KCNQ5: variants seen among roughly 807,000 people sequenced by gnomAD.
KCNQ5 encodes the protein potassium voltage-gated channel subfamily KQT member 5.
KCNQ5 carries 30 observed loss-of-function variants against 98.2 expected under a neutral mutation model. The observed-to-expected ratio is 0.31, with a 90% CI of 0.23 to 0.41. The LOEUF is 0.41. Ranked by LOEUF, KCNQ5 falls within the 10% of genes least tolerant of loss-of-function variation. KCNQ5 has a pLI of 1.00. For missense variants in KCNQ5, 835 were observed against 1,182.5 expected, an observed-to-expected ratio of 0.71 and a Z score of 4.31; for synonymous variants, 458 against 449.4, an observed-to-expected ratio of 1.02 and a Z score of -0.24.
At chr6:73,129,649 T>C (rs1776139144) in intron 9 of KCNQ5, 2 of 637,462 alleles carry the variant, frequency 3.1e-6, no homozygotes, top group Middle Eastern at 3.7e-4. Context: ...TTAAACAACA[T>C]AGTACTCTCT....
intron 1 of KCNQ5, among the ~76,000 whole-genome samples, chr6:72,956,731 T>C (rs1767088930): frequency 6.6e-6 from 1 of 151,846 alleles, no homozygotes; most frequent in Admixed American, 6.6e-5. Flanking sequence ...ACATGAAATC[T>C]TACATGCAAA....
intron 2 of KCNQ5, among the ~76,000 whole-genome samples, chr6:73,024,256 A>G: frequency 6.6e-6 from 1 of 152,184 alleles, no homozygotes; most frequent in Admixed American, 6.6e-5. Flanking sequence ...AAGCACCTGC[A>G]TCATTAGGAC....
At chr6:73,012,241 T>G (rs779784433) in intron 2 of KCNQ5, among the ~76,000 whole-genome samples, 3 of 152,050 alleles carry the variant, frequency 2.0e-5, no homozygotes, top group Non-Finnish European at 4.4e-5. Context: ...AGTGAACGGA[T>G]AAGCAAAATA....
intron 9 of KCNQ5, chr6:73,125,642 C>A: frequency 4.7e-6 from 1 of 211,522 alleles, no homozygotes; most frequent in Non-Finnish European, 9.3e-6. Context: ...TGAAAGTTCA[C>A]TTGGTGTATT....
intron 3 of KCNQ5, among the ~76,000 whole-genome samples, chr6:73,075,827 T>A (rs1028496229): frequency 6.6e-6 from 1 of 152,150 alleles, no homozygotes; most frequent in African/African-American, 2.4e-5. Context: ...GCAGATGATG[T>A]GAGCTCAGGA....
intron 9 of KCNQ5, among the ~76,000 whole-genome samples, chr6:73,126,660 G>C (rs187167278): frequency 1.3e-5 from 2 of 152,282 alleles, no homozygotes; most frequent in East Asian, 3.9e-4. Context: ...TGATGACTTA[G>C]AGAATCACAC....
intron 1 of KCNQ5, among the ~76,000 whole-genome samples, chr6:72,709,742 A>G (rs1190758436): frequency 6.6e-6 from 1 of 152,180 alleles, no homozygotes; most frequent in East Asian, 1.9e-4. Flanking sequence ...TTCCTGTACT[A>G]CAGAGATTAC....
chr6:72,656,002 T>C (rs1282814097), intron 1 of KCNQ5, among the ~76,000 whole-genome samples: 1 of 152,160 alleles, frequency 6.6e-6, no homozygotes, highest in African/African-American at 2.4e-5. Flanking sequence ...TTTACATCTG[T>C]ATAGTATTTT....
intron 1 of KCNQ5, among the ~76,000 whole-genome samples, chr6:72,910,974 A>C (rs947830203): frequency 3.3e-5 from 5 of 152,152 alleles, no homozygotes; most frequent in African/African-American, 1.2e-4. Flanking sequence ...AAGCTCACAC[A>C]CAGGGCCTGT....
intron 1 of KCNQ5, among the ~76,000 whole-genome samples, chr6:72,808,601 G>A (rs1463234938): frequency 6.6e-6 from 1 of 152,126 alleles, no homozygotes; most frequent in Non-Finnish European, 1.5e-5. Context: ...TAGTGCCCCA[G>A]CACTTTCAAG....
At chr6:72,856,691 C>T (rs1011481857) in intron 1 of KCNQ5, among the ~76,000 whole-genome samples, 18 of 152,102 alleles carry the variant, frequency 1.2e-4, no homozygotes, top group Non-Finnish European at 2.4e-4. Flanking sequence ...CTGAATACGG[C>T]TAATAATTCT....
chr6:73,056,358 G>A (rs1341640067), intron 3 of KCNQ5, among the ~76,000 whole-genome samples: 2 of 151,784 alleles, frequency 1.3e-5, no homozygotes, highest in Non-Finnish European at 2.9e-5. Context: ...AGAAGGTTGG[G>A]ATCAATCCTG....
Position 73,196,371 on chromosome 6 carries a change from G to T in KCNQ5, c.*957G>T, listed in dbSNP as rs2150529320. On this transcript the variant is annotated 3_prime_UTR_variant, in exon 14 of 14. Transcript: ENST00000370398. ...TTTGAGTGGGACTGAGATAGGAAAG[G>T]CTTGAAAAGAACCCAGAAACACCAC... 1.3e-5 allele frequency: 2 copies of T among 152,286 alleles called. No individual in the cohort carries two copies. The highest frequency in any genetic ancestry group is 4.1e-4 in the South Asian group (2 of 4,826). 9.4% of individuals were successfully genotyped at this position (152,286 alleles called of 1,614,324 possible).
At chr6:72,670,600 C>T (rs761522183) in intron 1 of KCNQ5, among the ~76,000 whole-genome samples, 20 of 152,226 alleles carry the variant, frequency 1.3e-4, no homozygotes, top group Non-Finnish European at 1.9e-4. Context: ...GTAACTTAAA[C>T]GACATGAATT....
rs145744729 is a variant in KCNQ5, at chr6:73,043,084, C to A, written c.616+1022C>A. The stretch of plus-strand genomic sequence containing the variant: ...TTGTTTTAGGAGTCAGGAATTGTTG[C>A]GTAATCTTCTCAGTTTCCTCCCTTA... On this transcript the variant is annotated intron_variant, in intron 3 of 13. Coordinates refer to ENST00000370398, the MANE Select transcript of KCNQ5 (RefSeq NM_019842.4). 1.5e-3 allele frequency: 582 copies of A among 393,808 alleles called. 4 individuals are homozygous for A. The highest frequency in any genetic ancestry group is 0.011 in the African/African-American group (544 of 48,116). 24.4% of individuals were successfully genotyped at this position (393,808 alleles called of 1,614,324 possible). A position where few individuals can be genotyped will look rare whatever the true frequency, so the allele number is the denominator to read the frequency against.
intron 1 of KCNQ5, among the ~76,000 whole-genome samples, chr6:72,919,130 G>A (rs1321399544): frequency 6.6e-6 from 1 of 152,154 alleles, no homozygotes; most frequent in East Asian, 1.9e-4. Context: ...AAAATGACTT[G>A]ATCGTTCATG....
intron 3 of KCNQ5, among the ~76,000 whole-genome samples, chr6:73,051,595 A>G (rs566737830): frequency 2.0e-5 from 3 of 152,168 alleles, no homozygotes; most frequent in Non-Finnish European, 4.4e-5. Flanking sequence ...ATACAGCCCA[A>G]AAGTTCTGAG....
chr6:73,124,091 C>T (rs1775852568), intron 8 of KCNQ5, among the ~76,000 whole-genome samples: 3 of 152,156 alleles, frequency 2.0e-5, no homozygotes, highest in Admixed American at 2.0e-4. Context: ...ATTAATGAAT[C>T]CAGGTTTAGA....
At chr6:72,893,468 G>A (rs1020149823) in intron 1 of KCNQ5, among the ~76,000 whole-genome samples, 99 of 152,286 alleles carry the variant, frequency 6.5e-4, no homozygotes, top group African/African-American at 2.2e-3. Flanking sequence ...TGCAGGGAGC[G>A]TGAGAGAAAA....
Sources: allele counts gnomAD v4.1 joint callset (sites outside exome capture counted in the v4.1 genomes callset), GRCh38; gene constraint gnomAD v4.1.1; transcripts MANE v1.5; gene names NCBI Gene and HGNC (gene_info 2026-07-23, HGNC 2026-07-21).